The following CASP9 variants were observed in gnomAD, a reference collection of about 807,000 sequenced individuals.
The protein encoded by CASP9 is caspase-9.
CASP9 carries 29 observed loss-of-function variants against 43.5 expected under a neutral mutation model. The observed-to-expected ratio is 0.67, with a 90% CI of 0.50 to 0.91. The LOEUF is 0.91. Ranked by LOEUF, CASP9 falls within the 40% of genes least tolerant of loss-of-function variation. CASP9 has a pLI of 0.00. For synonymous variants in CASP9, 206 were observed against 211.9 expected, an observed-to-expected ratio of 0.97 and a Z score of 0.24; for missense variants, 575 against 537.4, an observed-to-expected ratio of 1.07 and a Z score of -0.69.
In CASP9 at chr1:15,492,838, C is replaced by A. The variant is rs1708941252; in HGVS notation, c.*105G>T. ...AGAGAAAGAGCAGACCCTGTGCCGG[C>A]TGCAAAGTCCTTGAGTTGCAGGAAA... is the stretch of plus-strand genomic sequence containing the variant. On this transcript the variant is annotated 3_prime_UTR_variant, in exon 9 of 9. Coordinates refer to ENST00000333868, the MANE Select transcript of CASP9 (RefSeq NM_001229.5). 1 of 1,486,054 alleles carries A rather than the reference C, an allele frequency of 6.7e-7. No individual in the cohort carries two copies. The highest frequency in any genetic ancestry group is 1.4e-5 in the African/African-American group (1 of 71,360). 92.1% of individuals were successfully genotyped at this position (1,486,054 alleles called of 1,614,324 possible). A position where few individuals can be genotyped will look rare whatever the true frequency, so the allele number is the denominator to read the frequency against.
At chr1:15,501,227 C>T (rs978925366) in intron 6 of CASP9, among the ~76,000 whole-genome samples, 1 of 152,204 alleles carries the variant, frequency 6.6e-6, no homozygotes, top group Non-Finnish European at 1.5e-5. Context: ...ACGGCTCAGC[C>T]TCAGAGAGGT....
At chr1:15,496,829 G>C (rs1709120127) in intron 6 of CASP9, among the ~76,000 whole-genome samples, 2 of 151,774 alleles carry the variant, frequency 1.3e-5, no homozygotes. Flanking sequence ...AGGAGTTCCA[G>C]ACCAGCAAAA....
chr1:15,524,370 C>G (rs1710358159), upstream of CASP9: 2 of 1,386,326 alleles, frequency 1.4e-6, no homozygotes, highest in Non-Finnish European at 1.9e-6. Context: ...CCTCGCCCCG[C>G]CCCCAGGAGT....
chr1:15,495,653 A>G (rs941807040), intron 6 of CASP9, among the ~76,000 whole-genome samples: 1 of 152,210 alleles, frequency 6.6e-6, no homozygotes, highest in Non-Finnish European at 1.5e-5. Flanking sequence ...TGGTTCCTAA[A>G]TAAGATGGCT....
At chr1:15,513,905 G>C (rs115759666) in intron 2 of CASP9, among the ~76,000 whole-genome samples, 294 of 152,242 alleles carry the variant, frequency 1.9e-3, no homozygotes, top group African/African-American at 6.9e-3. Context: ...TGTATTACAG[G>C]ATAATAGGAG....
chr1:15,507,025 A>G lies in CASP9; in HGVS notation c.504T>C (p.Asn168=), dbSNP rs1224917529. The G allele has an allele frequency of 8.7e-6, 14 of 1,614,066 alleles. No homozygotes were observed. Among genetic ancestry groups the G allele is most frequent in the Middle Eastern group, 1.6e-4 (1 of 6,084 alleles). Residue 168 remains asparagine, a synonymous_variant, in exon 4 of 9, where the codon AAT becomes AAC. Transcript: ENST00000333868. The part of the protein sequence containing the change: ...EPCGHCLIIN[N]VNFCRESGLR... ...GCCCGGACTCACGGCAGAAGTTCACATTGTTGATAATGAGGCAGTGGCCAC... is the reference window on the plus strand; with the variant it reads ...GCCCGGACTCACGGCAGAAGTTCACGTTGTTGATAATGAGGCAGTGGCCAC...
At chr1:15,519,576 T>C (rs1373098443) in intron 1 of CASP9, among the ~76,000 whole-genome samples, 2 of 151,984 alleles carry the variant, frequency 1.3e-5, no homozygotes, top group Non-Finnish European at 2.9e-5. Flanking sequence ...GAGTGAGCCA[T>C]AGCCAGATCA....
intron 6 of CASP9, among the ~76,000 whole-genome samples, chr1:15,499,346 T>C (rs998729793): frequency 6.6e-6 from 1 of 152,148 alleles, no homozygotes. Context: ...CTGCAGGACA[T>C]CCTAGGATGT....
At position 15,491,525 on chromosome 1, in the gene CASP9, A is replaced by G; in HGVS notation, c.*1418T>C. The G allele has an allele frequency of 5.2e-6, 3 of 579,598 alleles. No individual in the cohort carries two copies. Among genetic ancestry groups the G allele is most frequent in the Non-Finnish European group, 9.0e-6 (3 of 334,068 alleles). 35.9% of individuals were successfully genotyped at this position (579,598 alleles called of 1,614,324 possible). A position where few individuals can be genotyped will look rare whatever the true frequency, so the allele number is the denominator to read the frequency against. ...GTAACCCCTGCACTTTGGGAGGCTA[A>G]GGCAGGCTGATCGCTTGAGTCCAGG... On this transcript the variant is annotated 3_prime_UTR_variant, in exon 9 of 9. Coordinates refer to ENST00000333868, the MANE Select transcript of CASP9 (RefSeq NM_001229.5).
intron 2 of CASP9, among the ~76,000 whole-genome samples, chr1:15,511,516 G>A (rs1370903643): frequency 2.6e-5 from 4 of 151,692 alleles, no homozygotes; most frequent in South Asian, 2.1e-4. Context: ...CAATTCTCCT[G>A]CCTCAGCCTC....
Position 15,494,336 on chromosome 1 carries a change from G to A in CASP9, c.1049-335C>T, listed in dbSNP as rs4646095. On this transcript the variant is annotated intron_variant, in intron 7 of 8. Coordinates refer to ENST00000333868, the MANE Select transcript of CASP9 (RefSeq NM_001229.5). ...TCCCAGCATTTTGGAAGGCCGAGGT[G>A]GGCAAATCACTTGAGGTCAGGAATT... Among the ~76,000 whole-genome samples, 1,021 of 152,060 alleles carry A rather than the reference G, an allele frequency of 6.7e-3. 9 individuals are homozygous for A. Among genetic ancestry groups the A allele is most frequent in the African/African-American group, 0.022 (916 of 41,462 alleles).
intron 6 of CASP9, among the ~76,000 whole-genome samples, chr1:15,500,119 G>A (rs946502425): frequency 1.5e-5 from 2 of 136,960 alleles, no homozygotes; most frequent in East Asian, 1.9e-4. Flanking sequence ...AAGAGCTTTG[G>A]TTAAAAAATA....
intron 6 of CASP9, among the ~76,000 whole-genome samples, chr1:15,496,496 A>C (rs568839118): frequency 4.7e-4 from 72 of 152,314 alleles, no homozygotes; most frequent in Admixed American, 1.2e-3. Flanking sequence ...AAATGGTATG[A>C]TTTTATATGC....
intron 6 of CASP9, among the ~76,000 whole-genome samples, chr1:15,497,324 AAAAG>A (rs1316205152): frequency 0.06 from 7,985 of 133,044 alleles, 728 homozygotes; most frequent in African/African-American, 0.22. Flanking sequence ...AAAAAAAAAA[AAAAG>A]AAAGAAAGAA....
At position 15,518,324 on chromosome 1, in the gene CASP9, C is replaced by G; in HGVS notation, c.204G>C (p.Gln68His). ...LIIDLETRGSQALPLFISCLE... is the reference protein window; with the variant it reads ...LIIDLETRGSHALPLFISCLE... Reference sequence around the variant, plus strand: ...AGCAGGAGATGAACAAAGGAAGAGCCTGACTCCCTCGAGTCTCCAGATCTA... The same window carrying G: ...AGCAGGAGATGAACAAAGGAAGAGCGTGACTCCCTCGAGTCTCCAGATCTA... The change falls in exon 2 of 9, where the codon CAG becomes CAC. Residue 68 changes from glutamine (Q) to histidine (H), a missense_variant. Coordinates refer to ENST00000333868, the MANE Select transcript of CASP9 (RefSeq NM_001229.5). 5.0e-6 allele frequency: 8 copies of G among 1,614,216 alleles called. No homozygotes were observed. Among genetic ancestry groups the G allele is most frequent in the Non-Finnish European group, 6.8e-6 (8 of 1,180,052 alleles).
At chr1:15,520,657 C>A (rs924422903) in intron 1 of CASP9, among the ~76,000 whole-genome samples, 1 of 152,108 alleles carries the variant, frequency 6.6e-6, no homozygotes, top group Non-Finnish European at 1.5e-5. Context: ...TAGCAGACCG[C>A]GAAGGGGAGT....
chr1:15,496,898 C>G (rs1469505792), intron 6 of CASP9, among the ~76,000 whole-genome samples: 1 of 151,130 alleles, frequency 6.6e-6, no homozygotes, highest in Non-Finnish European at 1.5e-5. Context: ...GCCTGTGGTC[C>G]CAGCTACTCG....
At chr1:15,520,718 C>T (rs1319270231) in intron 1 of CASP9, among the ~76,000 whole-genome samples, 1 of 152,174 alleles carries the variant, frequency 6.6e-6, no homozygotes, top group East Asian at 1.9e-4. Context: ...CTTTGGGAGG[C>T]CAAGGCAGGC....
At chr1:15,516,697 C>T (rs914644095) in intron 2 of CASP9, among the ~76,000 whole-genome samples, 1 of 151,928 alleles carries the variant, frequency 6.6e-6, no homozygotes, top group African/African-American at 2.4e-5. Flanking sequence ...GGAACAAGTA[C>T]CCTTTAACAC....
Sources: gnomAD v4.1 joint callset for allele counts (sites outside exome capture counted in the v4.1 genomes callset) on GRCh38, gnomAD v4.1.1 for gene constraint, MANE v1.5 for transcripts, NCBI Gene and HGNC (gene_info 2026-07-23, HGNC 2026-07-21) for gene names.